Variants in EFNA5 observed in about 807,000 individuals in gnomAD.
EFNA5 encodes ephrin A5.
Under a neutral mutation model 22.9 loss-of-function variants are expected in EFNA5, and 5 were observed. The observed-to-expected ratio is 0.22, with a 90% CI of 0.11 to 0.46. EFNA5 has a LOEUF of 0.46. Among genes scored for constraint, EFNA5 ranks in the 20% least tolerant of loss-of-function variants. EFNA5 has a pLI of 0.99. For synonymous variants in EFNA5, 113 were observed against 112.2 expected (o/e 1.01, Z -0.04); for missense variants, 237 against 293.3 (o/e 0.81, Z 1.40).
At chr5:107,564,146 C>T (rs977925156) in intron 1 of EFNA5, among the ~76,000 whole-genome samples, 1 of 152,284 alleles carries the variant, frequency 6.6e-6, no homozygotes, top group East Asian at 1.9e-4. Flanking sequence ...GGACACTCTG[C>T]AGGCCTGTTG....
chr5:107,604,139 C>T (rs1203510385), intron 1 of EFNA5, among the ~76,000 whole-genome samples: 6 of 152,116 alleles, frequency 3.9e-5, no homozygotes, highest in Non-Finnish European at 2.9e-5. Context: ...AGCTAAGCAT[C>T]TATAAGAGAA....
intron 1 of EFNA5, among the ~76,000 whole-genome samples, chr5:107,429,287 A>G (rs2112423295): frequency 6.6e-6 from 1 of 152,304 alleles, no homozygotes; most frequent in African/African-American, 2.4e-5. Flanking sequence ...TACTAAAAAT[A>G]CAAAAAATAT....
At chr5:107,468,364 T>C (rs1385035886) in intron 1 of EFNA5, among the ~76,000 whole-genome samples, 3 of 152,190 alleles carry the variant, frequency 2.0e-5, no homozygotes, top group African/African-American at 7.2e-5. Flanking sequence ...AGATTGTGCT[T>C]GGAAGGGAAG....
At chr5:107,650,367 A>C (rs1187298114) in intron 1 of EFNA5, among the ~76,000 whole-genome samples, 1 of 152,092 alleles carries the variant, frequency 6.6e-6, no homozygotes, top group Admixed American at 6.6e-5. Context: ...CTATCAGGAG[A>C]CTTCTGTCTT....
intron 2 of EFNA5, among the ~76,000 whole-genome samples, chr5:107,397,394 C>CA (rs1747956693): frequency 1.3e-5 from 2 of 151,910 alleles, no homozygotes; most frequent in Admixed American, 1.3e-4. Context: ...ACTAAAAATA[C>CA]AAAAATTGGT....
intron 1 of EFNA5, among the ~76,000 whole-genome samples, chr5:107,441,793 G>A (rs152600): frequency 6.6e-6 from 1 of 152,124 alleles, no homozygotes; most frequent in Admixed American, 6.6e-5. Context: ...TATGGAAACA[G>A]GAAATACTGC....
chr5:107,378,071 T>C lies in EFNA5; in HGVS notation c.*3184A>G, dbSNP rs140619987. The C allele has an allele frequency of 6.6e-6, 1 of 152,342 alleles. No individual in the cohort carries two copies. Among genetic ancestry groups the C allele is most frequent in the East Asian group, 1.9e-4 (1 of 5,184 alleles). 9.4% of individuals were successfully genotyped at this position (152,342 alleles called of 1,614,324 possible). On this transcript the variant is annotated 3_prime_UTR_variant, in exon 5 of 5. Coordinates refer to ENST00000333274, the MANE Select transcript of EFNA5 (RefSeq NM_001962.3). Reference sequence around the variant, plus strand: ...ATGTTTCAAAGCCTCAATGCATGTTTTGTATCCTGAAAGTCTATTGTTCTC... The same window carrying C: ...ATGTTTCAAAGCCTCAATGCATGTTCTGTATCCTGAAAGTCTATTGTTCTC...
chr5:107,626,374 G>A (rs1676642793), intron 1 of EFNA5, among the ~76,000 whole-genome samples: 1 of 152,048 alleles, frequency 6.6e-6, no homozygotes, highest in African/African-American at 2.4e-5. Context: ...AAACTCCTGA[G>A]CTCAAAGGAT....
chr5:107,416,092 G>A (rs1386677802), intron 2 of EFNA5, among the ~76,000 whole-genome samples: 1 of 152,150 alleles, frequency 6.6e-6, no homozygotes, highest in East Asian at 1.9e-4. Flanking sequence ...CAGGAATGGT[G>A]AATGACACAT....
intron 1 of EFNA5, among the ~76,000 whole-genome samples, chr5:107,514,727 T>C (rs1004179792): frequency 6.6e-6 from 1 of 152,182 alleles, no homozygotes; most frequent in Non-Finnish European, 1.5e-5. Flanking sequence ...GCTTCCTGTC[T>C]CATTCAGAGT....
chr5:107,527,125 G>A (rs1324004183), intron 1 of EFNA5, among the ~76,000 whole-genome samples: 1 of 151,992 alleles, frequency 6.6e-6, no homozygotes, highest in African/African-American at 2.4e-5. Flanking sequence ...ATATGACCTG[G>A]CATTTTGTCT....
chr5:107,492,223 A>C (rs1746824778), intron 1 of EFNA5, among the ~76,000 whole-genome samples: 1 of 152,242 alleles, frequency 6.6e-6, no homozygotes, highest in African/African-American at 2.4e-5. Context: ...CAGTCTTATA[A>C]AGTTACAAAA....
intron 1 of EFNA5, among the ~76,000 whole-genome samples, chr5:107,458,729 T>A (rs1749758613): frequency 6.6e-6 from 1 of 152,190 alleles, no homozygotes; most frequent in Admixed American, 6.6e-5. Context: ...AACCGCTGTC[T>A]ATCTCACAAC....
At chr5:107,571,053 G>T (rs1011790983) in intron 1 of EFNA5, among the ~76,000 whole-genome samples, 1 of 152,152 alleles carries the variant, frequency 6.6e-6, no homozygotes, top group African/African-American at 2.4e-5. Context: ...TCTCTCAACA[G>T]GAAGTAGCAC....
At chr5:107,611,074 A>G (rs1186052338) in intron 1 of EFNA5, among the ~76,000 whole-genome samples, 2 of 152,132 alleles carry the variant, frequency 1.3e-5, no homozygotes, top group African/African-American at 4.8e-5. Context: ...TTCCATCCTC[A>G]TAGAAACATG....
chr5:107,487,810 T>C (rs945142565), intron 1 of EFNA5, among the ~76,000 whole-genome samples: 2 of 152,220 alleles, frequency 1.3e-5, no homozygotes, highest in African/African-American at 4.8e-5. Context: ...GTATCCCCTA[T>C]AGCAACAAGC....
intron 1 of EFNA5, among the ~76,000 whole-genome samples, chr5:107,482,824 CTG>C (rs1278729601): frequency 0.012 from 618 of 53,638 alleles, 10 homozygotes; most frequent in South Asian, 0.032. Flanking sequence ...GTCTCTCTCT[CTG>C]TCTCTGTCTC....
intron 1 of EFNA5, among the ~76,000 whole-genome samples, chr5:107,604,111 A>C (rs1024314568): frequency 3.9e-5 from 6 of 152,080 alleles, no homozygotes; most frequent in Non-Finnish European, 7.3e-5. Context: ...GCATTTAAAA[A>C]TCAGATAATT....
chr5:107,407,044 T>C (rs1748243563), intron 2 of EFNA5, among the ~76,000 whole-genome samples: 1 of 152,222 alleles, frequency 6.6e-6, no homozygotes, highest in Non-Finnish European at 1.5e-5. Context: ...TTTCAACATA[T>C]ACTAGGTTTT....
Sources: gnomAD v4.1 joint callset for allele counts (sites outside exome capture counted in the v4.1 genomes callset) on GRCh38, gnomAD v4.1.1 for gene constraint, MANE v1.5 for transcripts, NCBI Gene and HGNC (gene_info 2026-07-23, HGNC 2026-07-21) for gene names.